FGF14: variants seen among roughly 807,000 people sequenced by gnomAD.
FGF14 encodes fibroblast growth factor homologous factor 4.
Under a neutral mutation model 25.5 loss-of-function variants are expected in FGF14, and 5 were observed. The observed-to-expected ratio is 0.20, with a 90% CI of 0.10 to 0.41. FGF14 has a LOEUF of 0.41. Ranked by LOEUF, FGF14 falls within the 10% of genes least tolerant of loss-of-function variation. The pLI is 1.00. For synonymous variants in FGF14, 138 were observed against 118.3 expected, an observed-to-expected ratio of 1.17 and a Z score of -1.08; for missense variants, 222 against 320.1, an observed-to-expected ratio of 0.69 and a Z score of 2.34.
intron 1 of FGF14, among the ~76,000 whole-genome samples, chr13:102,214,687 T>A (rs1034480283): frequency 6.6e-6 from 1 of 152,194 alleles, no homozygotes; most frequent in African/African-American, 2.4e-5. Context: ...TATTTCTAGA[T>A]CAGGGGATCT....
At chr13:102,002,621 C>G (rs1251402163) in intron 1 of FGF14, 1 of 155,068 alleles carries the variant, frequency 6.4e-6, no homozygotes, top group Non-Finnish European at 1.5e-5. Flanking sequence ...ATGTCAGGAA[C>G]AGCTTCTAAG....
In FGF14 at chr13:101,754,295, A is replaced by AG. The variant is rs913602473; in HGVS notation, c.409-27486dup. Reference sequence around the variant, plus strand: ...GTGTTTCCTCCTGCCTTAATAAAAAAGTAGAGAAAAGCCAGCTTCTTCTTT... The same window carrying AG: ...GTGTTTCCTCCTGCCTTAATAAAAAAGGTAGAGAAAAGCCAGCTTCTTCTTT... On this transcript the variant is annotated intron_variant, in intron 3 of 4. Coordinates refer to ENST00000376143, the MANE Select transcript of FGF14 (RefSeq NM_004115.4). Among the ~76,000 whole-genome samples, 18 of 152,340 alleles carry AG rather than the reference A, an allele frequency of 1.2e-4. No homozygotes were observed. The South Asian group carries it at 1.7e-3, about 14-fold the overall frequency.
chr13:101,825,558 G>T (rs1459096206), intron 3 of FGF14, among the ~76,000 whole-genome samples: 1 of 152,138 alleles, frequency 6.6e-6, no homozygotes, highest in African/African-American at 2.4e-5. Flanking sequence ...TTACCAGATA[G>T]TATGGTATAA....
rs865791440 is a variant in FGF14 at position 101,943,828 on chromosome 13, T to A, written c.209-68532A>T. Reference sequence around the variant, plus strand: ...GTCTCTACTTAAAAAAAAAAAAAAATATATATATATATATATTCACAAAAT... The same window carrying A: ...GTCTCTACTTAAAAAAAAAAAAAAAAATATATATATATATATTCACAAAAT... On this transcript the variant is annotated intron_variant, in intron 1 of 4. Transcript: ENST00000376131. Among the ~76,000 whole-genome samples, 334 of 133,902 alleles carry A rather than the reference T, an allele frequency of 2.5e-3. 1 individual carries two copies. Among genetic ancestry groups the A allele is most frequent in the Middle Eastern group, 7.7e-3 (2 of 260 alleles). 87.8% of individuals were successfully genotyped at this position (133,902 alleles called of 152,430 possible). A position where few individuals can be genotyped will look rare whatever the true frequency, so the allele number is the denominator to read the frequency against.
intron 1 of FGF14, among the ~76,000 whole-genome samples, chr13:102,128,541 C>T (rs894269527): frequency 6.6e-6 from 1 of 152,184 alleles, no homozygotes; most frequent in South Asian, 2.1e-4. Context: ...CTTTTAACCA[C>T]ATGACTCACC....
intron 1 of FGF14, among the ~76,000 whole-genome samples, chr13:101,978,282 G>A (rs1431156117): frequency 1.3e-5 from 2 of 152,146 alleles, no homozygotes; most frequent in African/African-American, 4.8e-5. Flanking sequence ...TCTATAATAT[G>A]TGCAGAATGG....
chr13:101,726,531 T>C, intron 4 of FGF14, 81 bp downstream of exon 4: 1 of 1,343,418 alleles, frequency 7.4e-7, no homozygotes, highest in Non-Finnish European at 1.1e-6. Context: ...GAAGGTTTCT[T>C]AGAGCCATGG....
At chr13:102,397,887 A>G (rs1441050691) in intron 1 of FGF14, among the ~76,000 whole-genome samples, 5 of 152,318 alleles carry the variant, frequency 3.3e-5, no homozygotes, top group South Asian at 2.1e-4. Context: ...TGGACTTAGT[A>G]TTCCCTATTT....
chr13:101,931,009 C>T (rs1466725223), intron 1 of FGF14, among the ~76,000 whole-genome samples: 1 of 152,196 alleles, frequency 6.6e-6, no homozygotes, highest in East Asian at 1.9e-4. Flanking sequence ...GAATTGGCCC[C>T]AAAGCCTGGT....
intron 1 of FGF14, among the ~76,000 whole-genome samples, chr13:101,916,159 C>A (rs1202208324): frequency 6.6e-6 from 1 of 152,204 alleles, no homozygotes; most frequent in Non-Finnish European, 1.5e-5. Context: ...TCCCGGGAAG[C>A]CGAGACTCAG....
At chr13:102,165,142 A>G (rs1368775527) in intron 1 of FGF14, among the ~76,000 whole-genome samples, 2 of 152,186 alleles carry the variant, frequency 1.3e-5, no homozygotes, top group Admixed American at 1.3e-4. Context: ...TTAGAATGGC[A>G]ATCATTAAAA....
chr13:101,975,563 C>T (rs1426494715), intron 1 of FGF14, among the ~76,000 whole-genome samples: 1 of 152,212 alleles, frequency 6.6e-6, no homozygotes, highest in Non-Finnish European at 1.5e-5. Flanking sequence ...AAACACAGGG[C>T]TGTGTCTTAA....
intron 1 of FGF14, among the ~76,000 whole-genome samples, chr13:102,096,518 T>C (rs142429465): frequency 7.7e-4 from 117 of 152,322 alleles, no homozygotes; most frequent in African/African-American, 2.7e-3. Flanking sequence ...GAAAACTTAA[T>C]ATGCGCTATG....
intron 1 of FGF14, among the ~76,000 whole-genome samples, chr13:102,384,231 T>C (rs1415628593): frequency 6.6e-6 from 1 of 152,210 alleles, no homozygotes; most frequent in Non-Finnish European, 1.5e-5. Flanking sequence ...GAGAATATTA[T>C]CTATCATGTG....
chr13:101,781,985 G>A (rs1176705728), intron 3 of FGF14, among the ~76,000 whole-genome samples: 1 of 152,134 alleles, frequency 6.6e-6, no homozygotes, highest in South Asian at 2.1e-4. Flanking sequence ...TTAAAATTCA[G>A]TACATGTTCT....
chr13:102,033,192 T>C (rs2041296929), intron 1 of FGF14, among the ~76,000 whole-genome samples: 1 of 152,148 alleles, frequency 6.6e-6, no homozygotes, highest in Admixed American at 6.6e-5. Flanking sequence ...CTCAAGCATA[T>C]TCTGATTTCC....
intron 1 of FGF14, among the ~76,000 whole-genome samples, chr13:102,068,496 G>C (rs1220524140): frequency 6.6e-6 from 1 of 152,208 alleles, no homozygotes; most frequent in Non-Finnish European, 1.5e-5. Context: ...GCGGGAACCA[G>C]GGCTGCGTAC....
intron 1 of FGF14, among the ~76,000 whole-genome samples, chr13:102,086,744 A>G (rs535924552): frequency 6.6e-6 from 1 of 152,306 alleles, no homozygotes; most frequent in East Asian, 1.9e-4. Flanking sequence ...GGCCCAAATA[A>G]TCTACCCAAT....
At chr13:102,396,170 G>A (rs1479415061) in intron 1 of FGF14, among the ~76,000 whole-genome samples, 2 of 152,150 alleles carry the variant, frequency 1.3e-5, no homozygotes, top group African/African-American at 4.8e-5. Flanking sequence ...GCAGGCAGAT[G>A]TGTAAATAGG....
Sources: gnomAD v4.1 joint callset for allele counts (sites outside exome capture counted in the v4.1 genomes callset) on GRCh38, gnomAD v4.1.1 for gene constraint, MANE v1.5 for transcripts, NCBI Gene and HGNC (gene_info 2026-07-23, HGNC 2026-07-21) for gene names.